DDX49: variants seen among roughly 807,000 people sequenced by gnomAD.
DDX49 encodes the protein probable ATP-dependent RNA helicase DDX49.
In DDX49, 50 loss-of-function variants were observed where a neutral mutation model predicts 56.3. The observed-to-expected ratio is 0.89, with a 90% CI of 0.71 to 1.12. The LOEUF (loss-of-function observed/expected upper bound fraction) is 1.12. Ranked by LOEUF, DDX49 falls within the 50% of genes most tolerant of loss-of-function variation. The pLI is 0.00. For missense variants in DDX49, 614 were observed against 650.5 expected, an observed-to-expected ratio of 0.94 and a Z score of 0.61; for synonymous variants, 269 against 270.6, an observed-to-expected ratio of 0.99 and a Z score of 0.06.
chr19:18,924,742 A>C (rs1320957102), intron 8 of DDX49, 43 bp downstream of exon 8: 1 of 1,612,248 alleles, frequency 6.2e-7, no homozygotes, highest in South Asian at 1.1e-5. Flanking sequence ...TCCCTCTTTT[A>C]CTACAAGGCC....
chr19:18,921,141 CAA>C (rs556082381), intron 2 of DDX49, among the ~76,000 whole-genome samples: 19 of 113,970 alleles, frequency 1.7e-4, no homozygotes, highest in Non-Finnish European at 1.5e-4. Context: ...AACTCTGTCT[CAA>C]AAAAAAAAAA....
chr19:18,928,598 G>A lies in DDX49; in HGVS notation c.*282G>A, dbSNP rs372283759. The A allele has an allele frequency of 2.3e-5, 9 of 397,770 alleles. No individual in the cohort carries two copies. In the South Asian group the frequency reaches 2.4e-4, roughly 11 times the overall value. 24.6% of individuals were successfully genotyped at this position (397,770 alleles called of 1,614,324 possible). ...CCCCCCAGGGGTGCCGCATACAGGAGGTGCTTAATAAACGGGTCTTTTGAC... is the reference window on the plus strand; with the variant it reads ...CCCCCCAGGGGTGCCGCATACAGGAAGTGCTTAATAAACGGGTCTTTTGAC... On this transcript the variant is annotated 3_prime_UTR_variant, in exon 13 of 13. Coordinates refer to ENST00000247003, the MANE Select transcript of DDX49 (RefSeq NM_019070.5).
At position 18,926,410 on chromosome 19, in the gene DDX49, A is replaced by AGGGG. The variant is rs762556736; in HGVS notation, c.1102+34_1102+37dup. On this transcript the variant is annotated intron_variant, in intron 10 of 12. Coordinates refer to ENST00000247003, the MANE Select transcript of DDX49 (RefSeq NM_019070.5). ...GGGTTGGGGTGGGTGGTAGAGAAGG[A>AGGGG]GGGGTGGGGTGGGCAGAGGTGGGCA... 57 of 122,248 alleles carry AGGGG rather than the reference A, an allele frequency of 4.7e-4. No homozygotes were observed. The Admixed American group carries it at 5.4e-3, about 11-fold the overall frequency. The allele number at this position is 122,248 out of a possible 1,614,324, so 7.6% of individuals were successfully genotyped here.
intron 1 of DDX49, 86 bp downstream of exon 1, chr19:18,919,942 C>T (rs1475255506): frequency 1.8e-6 from 2 of 1,081,178 alleles, no homozygotes; most frequent in Non-Finnish European, 2.6e-6. Context: ...TTATTCCGGT[C>T]CCACGAGGCG....
intron 6 of DDX49, among the ~76,000 whole-genome samples, chr19:18,923,841 G>A (rs1165059567): frequency 3.0e-5 from 4 of 131,754 alleles, no homozygotes; most frequent in Admixed American, 1.7e-4. Context: ...AGAGTCTCAC[G>A]CTGTCCCCCA....
In DDX49 at chr19:18,928,184, C is replaced by A; in HGVS notation, c.1320C>A (p.Asn440Lys). 1 of 1,586,678 alleles carries A rather than the reference C, an allele frequency of 6.3e-7. No homozygotes were observed. The highest frequency in any genetic ancestry group is 8.6e-7 in the Non-Finnish European group (1 of 1,166,500). Residue 440 changes from asparagine (N) to lysine (K), a missense_variant, in exon 13 of 13, where the codon AAC becomes AAA. Asn to Lys is a moderately conservative substitution (Grantham distance 94). Coordinates refer to ENST00000247003, the MANE Select transcript of DDX49 (RefSeq NM_019070.5). ...KAELAKIKQKNRRFKEKVEET... is the reference protein window; with the variant it reads ...KAELAKIKQKKRRFKEKVEET... ...AGCTGGCCAAGATCAAGCAGAAGAA[C>A]CGGCGCTTCAAGGAGAAGGTGGAGG...
At chr19:18,920,365 G>C (rs139365572) in intron 1 of DDX49, among the ~76,000 whole-genome samples, 5 of 152,324 alleles carry the variant, frequency 3.3e-5, no homozygotes, top group Non-Finnish European at 7.4e-5. Context: ...GGGAGCACAA[G>C]ATGCATATGA....
chr19:18,925,272 T>C, intron 9 of DDX49: 1 of 340,412 alleles, frequency 2.9e-6, no homozygotes, highest in South Asian at 3.3e-5. Flanking sequence ...TAAAATAAAA[T>C]AGGCCAGGTG....
In DDX49 at chr19:18,920,769, C is replaced by T. The variant is rs2056908671; in HGVS notation, c.239+66C>T. ...TGTGCTCTCTTGGGCAAGCACCTTT[C>T]CCTCTCTGAGCGCCCTTTTCCCACG... On this transcript the variant is annotated intron_variant, in intron 2 of 12. Coordinates refer to ENST00000247003, the MANE Select transcript of DDX49 (RefSeq NM_019070.5). The T allele has an allele frequency of 4.0e-6, 6 of 1,505,008 alleles. No individual in the cohort carries two copies. In the East Asian group the frequency reaches 9.4e-5, roughly 24 times the overall value. The allele number at this position is 1,505,008 out of a possible 1,614,324, so 93.2% of individuals were successfully genotyped here.
At position 18,924,922 on chromosome 19, in the gene DDX49, A is replaced by G; in HGVS notation, c.970A>G (p.Asn324Asp). 1 of 1,613,060 alleles carries G rather than the reference A, an allele frequency of 6.2e-7. No individual in the cohort carries two copies. The highest frequency in any genetic ancestry group is 8.5e-7 in the Non-Finnish European group (1 of 1,179,994). ...IPTVQVVINH[N>D]TPGLPKIYIH... The stretch of plus-strand genomic sequence containing the variant: ...TACGGTACAGGTGGTCATCAACCAC[A>G]ACACCCCCGGGCTCCCCAAGATCTA... The change falls in exon 9 of 13, where the codon AAC (asparagine) becomes GAC (aspartate). Residue 324 changes from asparagine to aspartate, a missense_variant. Coordinates refer to ENST00000247003, the MANE Select transcript of DDX49 (RefSeq NM_019070.5).
chr19:18,928,208 G>T lies in DDX49; in HGVS notation c.1344G>T (p.Glu448Asp). Residue 448 changes from glutamate to aspartate, a missense_variant, in exon 13 of 13, where the codon GAG becomes GAT. Glu to Asp is a conservative substitution (Grantham distance 45). Transcript: ENST00000247003. Reference protein sequence around the residue: ...QKNRRFKEKVEETLKRQKAGR... With the variant: ...QKNRRFKEKVDETLKRQKAGR... ...ACCGGCGCTTCAAGGAGAAGGTGGAGGAGACGCTGAAGCGACAGAAGGCTG... is the reference window on the plus strand; with the variant it reads ...ACCGGCGCTTCAAGGAGAAGGTGGATGAGACGCTGAAGCGACAGAAGGCTG... The T allele has an allele frequency of 6.3e-7, 1 of 1,586,454 alleles. No individual in the cohort carries two copies. The highest frequency in any genetic ancestry group is 2.3e-5 in the East Asian group (1 of 43,454).
chr19:18,922,278 C>A, intron 4 of DDX49, 48 bp from the exon 5 acceptor site: 1 of 1,582,812 alleles, frequency 6.3e-7, no homozygotes, highest in Non-Finnish European at 8.6e-7. Flanking sequence ...TGGCCAAGAC[C>A]CGGGGCCATG....
rs372310750 is a variant in DDX49, at chr19:18,927,746, C to T, written c.1103-20C>T. On this transcript the variant is annotated intron_variant, in intron 10 of 12. Transcript: ENST00000247003. The stretch of plus-strand genomic sequence containing the variant: ...CACGTCTCCTCCCCACCCCCACCCC[C>T]GGCTTTGCTGTCCCCACAGAGAAGA... 6.5e-5 allele frequency: 104 copies of T among 1,608,352 alleles called. No individual in the cohort carries two copies. The African/African-American group carries it at 8.0e-4, about 12-fold the overall frequency.
Position 18,920,580 on chromosome 19 carries a change from G to T in DDX49, c.116G>T (p.Gly39Val). 6.3e-7 allele frequency: 1 copy of T among 1,595,760 alleles called. No homozygotes were observed. The highest frequency in any genetic ancestry group is 8.6e-7 in the Non-Finnish European group (1 of 1,165,234). ...TGATGCTGCTTTGTCCCCAACCCAGGTCGAGACTGCTTGGGCTGTGCTAAG... is the reference window on the plus strand; with the variant it reads ...TGATGCTGCTTTGTCCCCAACCCAGTTCGAGACTGCTTGGGCTGTGCTAAG... ...QLGCIPAILE[G>V]RDCLGCAKTG... Residue 39 changes from glycine to valine, a missense_variant and splice_region_variant, in exon 2 of 13, where the codon GGT becomes GTT. Physicochemically the swap from Gly to Val is moderately radical, Grantham distance 109. Coordinates refer to ENST00000247003, the MANE Select transcript of DDX49 (RefSeq NM_019070.5).
intron 6 of DDX49, 71 bp from the exon 7 acceptor site, chr19:18,924,162 C>T (rs902839988): frequency 1.0e-5 from 15 of 1,476,748 alleles, no homozygotes; most frequent in Non-Finnish European, 1.4e-5. Context: ...GTCTCAGGGG[C>T]GGGTGGGGGC....
intron 1 of DDX49, 66 bp from the exon 2 acceptor site, chr19:18,920,514 G>T: frequency 6.6e-7 from 1 of 1,518,818 alleles, no homozygotes; most frequent in Non-Finnish European, 9.0e-7. Context: ...TGTGTCCTGG[G>T]CAAGGTCTCT....
At chr19:18,920,868 C>A (rs967899162) in intron 2 of DDX49, 165 bp downstream of exon 2, 1 of 611,822 alleles carries the variant, frequency 1.6e-6, no homozygotes, top group South Asian at 2.4e-5. Flanking sequence ...GGCCCCGGTG[C>A]AGTGGCTCAC....
Position 18,928,383 on chromosome 19 carries a change from T to C in DDX49, c.*67T>C, listed in dbSNP as rs939432525. 4.2e-6 allele frequency: 6 copies of C among 1,421,052 alleles called. No individual in the cohort carries two copies. In the African/African-American group the frequency reaches 5.8e-5, roughly 14 times the overall value. The allele number at this position is 1,421,052 out of a possible 1,614,324, so 88.0% of individuals were successfully genotyped here. ...AGCTGAGGGTCGGAGGAACCTTCCT[T>C]GGGGGCAGCAGCCCTTCCCGGGGGC... is the stretch of plus-strand genomic sequence containing the variant. On this transcript the variant is annotated 3_prime_UTR_variant, in exon 13 of 13. Transcript: ENST00000247003.
At position 18,924,693 on chromosome 19, in the gene DDX49, C is replaced by A; in HGVS notation, c.923C>A (p.Ala308Asp). The change falls in exon 8 of 13, where the codon GCC (alanine) becomes GAC (aspartate). Residue 308 changes from alanine to aspartate, a missense_variant. Transcript: ENST00000247003. ...IYRILIATDV[A>D]SRGLDIPTVQ... ...CGGATCCTGATCGCAACAGACGTGG[C>A]CTCCCGGTGAGCAGCCCCCAGTCTC... is the stretch of plus-strand genomic sequence containing the variant. 6.2e-7 allele frequency: 1 copy of A among 1,614,230 alleles called. No individual in the cohort carries two copies. The highest frequency in any genetic ancestry group is 2.2e-5 in the East Asian group (1 of 44,894).
Sources: allele counts gnomAD v4.1 joint callset (sites outside exome capture counted in the v4.1 genomes callset), GRCh38; gene constraint gnomAD v4.1.1; transcripts MANE v1.5; gene names NCBI Gene and HGNC (gene_info 2026-07-23, HGNC 2026-07-21).